Variants in GALK2 observed in about 807,000 individuals in gnomAD.
GALK2 encodes the protein galactokinase 2.
Under a neutral mutation model 52.4 loss-of-function variants are expected in GALK2, and 36 were observed. The observed-to-expected ratio is 0.69, with a 90% CI of 0.53 to 0.91. The LOEUF is 0.91. GALK2 is among the 40% of genes least tolerant of loss of function. The pLI, the probability that GALK2 is intolerant of heterozygous loss-of-function variation, is 0.00. For synonymous variants in GALK2, 176 were observed against 199.1 expected (o/e 0.88, Z 0.98); for missense variants, 579 against 559.1 (o/e 1.04, Z -0.36).
At position 49,329,649 on chromosome 15, in the gene GALK2, G is replaced by A. The variant is rs2038220806; in HGVS notation, c.*1490G>A. 1 of 984,626 alleles carries A rather than the reference G, an allele frequency of 1.0e-6. No individual in the cohort carries two copies. The highest frequency in any genetic ancestry group is 1.2e-6 in the Non-Finnish European group (1 of 829,366). 61.0% of individuals were successfully genotyped at this position (984,626 alleles called of 1,614,324 possible). On this transcript the variant is annotated 3_prime_UTR_variant, in exon 10 of 10. Transcript: ENST00000560031. ...GAAAGGTAAATGCTTGAGAAAGCTTGAGTCAAATTTGTTAAAAGAATTTTG... is the reference window on the plus strand; with the variant it reads ...GAAAGGTAAATGCTTGAGAAAGCTTAAGTCAAATTTGTTAAAAGAATTTTG...
chr15:49,261,949 G>A (rs2092131584), intron 5 of GALK2, among the ~76,000 whole-genome samples: 2 of 152,142 alleles, frequency 1.3e-5, no homozygotes, highest in Admixed American at 6.5e-5. Context: ...GCTTTTTGAT[G>A]TGCTGCTGGA....
At chr15:49,246,641 T>C (rs1043335699) in intron 5 of GALK2, among the ~76,000 whole-genome samples, 5 of 152,206 alleles carry the variant, frequency 3.3e-5, no homozygotes, top group Admixed American at 1.3e-4. Flanking sequence ...TACATGATTC[T>C]GAGTTACCCA....
intron 9 of GALK2, among the ~76,000 whole-genome samples, chr15:49,326,433 G>A (rs915153439): frequency 1.3e-5 from 2 of 151,860 alleles, no homozygotes; most frequent in Non-Finnish European, 2.9e-5. Context: ...TGTATTTTTA[G>A]TAGAGACGGG....
In GALK2 at chr15:49,271,943, A is replaced by G. The variant is rs911833989; in HGVS notation, c.505-10044A>G. ...TAACTTGAAGAGAAAATGGAGGAAC[A>G]TTTTGATGAATCAGAAATGTCTGCC... On this transcript the variant is annotated intron_variant, in intron 5 of 9. Transcript: ENST00000560031. Among the ~76,000 whole-genome samples the G allele has an allele frequency of 8.5e-5, 13 of 152,356 alleles. No individual in the cohort carries two copies. In the East Asian group the frequency reaches 1.9e-3, roughly 23 times the overall value.
intron 9 of GALK2, among the ~76,000 whole-genome samples, chr15:49,320,756 C>T (rs2036807319): frequency 6.6e-6 from 1 of 152,234 alleles, no homozygotes; most frequent in Non-Finnish European, 1.5e-5. Context: ...TGTTTGCTCA[C>T]TCATTTCCAA....
chr15:49,352,199 G>A (rs1426855039), intron 3 of GALK2, among the ~76,000 whole-genome samples: 1 of 152,188 alleles, frequency 6.6e-6, no homozygotes, highest in Non-Finnish European at 1.5e-5. Context: ...CATCCCAAAA[G>A]CAAGAGTGAA....
chr15:49,319,163 A>G, intron 8 of GALK2: 1 of 357,972 alleles, frequency 2.8e-6, no homozygotes, highest in Non-Finnish European at 5.4e-6. Context: ...CATGTTGGTC[A>G]GGCTGGTCTT....
At chr15:49,191,152 T>A (rs1294697603) in intron 1 of GALK2, among the ~76,000 whole-genome samples, 1 of 152,066 alleles carries the variant, frequency 6.6e-6, no homozygotes, top group Non-Finnish European at 1.5e-5. Flanking sequence ...AAAAAGTGGA[T>A]CGGTCATTTT....
intron 8 of GALK2, among the ~76,000 whole-genome samples, chr15:49,294,180 TAAATAAGC>T (rs1286924071): frequency 1.3e-5 from 2 of 149,628 alleles, no homozygotes; most frequent in Non-Finnish European, 3.0e-5. Flanking sequence ...AATAAATAAA[TAAATAAGC>T]AAGCAAGCAA....
chr15:49,199,473 G>A (rs1217879816), intron 1 of GALK2, among the ~76,000 whole-genome samples: 1 of 152,166 alleles, frequency 6.6e-6, no homozygotes, highest in Non-Finnish European at 1.5e-5. Context: ...ATCAGTTATT[G>A]TCTCCCTGCT....
chr15:49,237,719 C>A (rs1479798233), intron 4 of GALK2, among the ~76,000 whole-genome samples: 1 of 152,156 alleles, frequency 6.6e-6, no homozygotes, highest in African/African-American at 2.4e-5. Flanking sequence ...TCGTGACCCA[C>A]CCGCCTCGGC....
chr15:49,199,191 C>T (rs576502939), intron 1 of GALK2: 3 of 152,194 alleles, frequency 2.0e-5, no homozygotes, highest in African/African-American at 7.2e-5. Context: ...CCAGGGCGTC[C>T]GGCTTTTTTG....
At chr15:49,363,653 A>C (rs1036244970) in intron 3 of GALK2, among the ~76,000 whole-genome samples, 1 of 152,138 alleles carries the variant, frequency 6.6e-6, no homozygotes, top group Non-Finnish European at 1.5e-5. Flanking sequence ...AGGACTTCCA[A>C]TACTATGTTG....
At chr15:49,254,708 A>G (rs192611015) in intron 5 of GALK2, among the ~76,000 whole-genome samples, 2 of 144,110 alleles carry the variant, frequency 1.4e-5, no homozygotes, top group African/African-American at 2.5e-5. Context: ...TTTTAGGGAT[A>G]GTTCACAGAA....
chr15:49,209,008 G>A (rs2088570416), intron 2 of GALK2, among the ~76,000 whole-genome samples: 1 of 152,130 alleles, frequency 6.6e-6, no homozygotes, highest in Non-Finnish European at 1.5e-5. Context: ...TGCATGAAAT[G>A]CCTTTTTCTA....
rs1365078525 is a variant in GALK2, at chr15:49,253,850, C to A, written c.504+14483C>A. Among the ~76,000 whole-genome samples, 2 of 143,976 alleles carry A rather than the reference C, an allele frequency of 1.4e-5. 1 individual carries two copies. Among genetic ancestry groups the A allele is most frequent in the African/African-American group, 5.0e-5 (2 of 40,152 alleles). The allele number at this position is 143,976 out of a possible 152,430, so 94.5% of individuals were successfully genotyped here. A position where few individuals can be genotyped will look rare whatever the true frequency, so the allele number is the denominator to read the frequency against. On this transcript the variant is annotated intron_variant, in intron 5 of 9. Transcript: ENST00000560031. Reference sequence around the variant, plus strand: ...ACCTTAAAACACCAAGCATCATCATCATCATCATCATCAACAACAACTACA... The same window carrying A: ...ACCTTAAAACACCAAGCATCATCATAATCATCATCATCAACAACAACTACA...
intron 1 of GALK2, among the ~76,000 whole-genome samples, chr15:49,183,582 G>A (rs1168058569): frequency 2.0e-5 from 3 of 152,088 alleles, no homozygotes; most frequent in East Asian, 3.9e-4. Context: ...GGTGGCTCAC[G>A]CCTGTAATCC....
At chr15:49,260,974 G>T (rs1320561625) in intron 5 of GALK2, among the ~76,000 whole-genome samples, 3 of 151,908 alleles carry the variant, frequency 2.0e-5, no homozygotes, top group Non-Finnish European at 4.4e-5. Flanking sequence ...CTGTAGCCTT[G>T]TAGTATAGTT....
At chr15:49,214,940 G>A (rs1471220096) in intron 2 of GALK2, among the ~76,000 whole-genome samples, 1 of 147,724 alleles carries the variant, frequency 6.8e-6, no homozygotes, top group Non-Finnish European at 1.5e-5. Flanking sequence ...CCTCAGCTGT[G>A]TTTGTCTGGG....
Sources: gnomAD v4.1 joint callset for allele counts (sites outside exome capture counted in the v4.1 genomes callset) on GRCh38, gnomAD v4.1.1 for gene constraint, MANE v1.5 for transcripts, NCBI Gene and HGNC (gene_info 2026-07-23, HGNC 2026-07-21) for gene names.